OTULIN: variants seen among roughly 807,000 people sequenced by gnomAD.
The protein encoded by OTULIN is OTU deubiquitinase with linear linkage specificity, also known as ubiquitin thioesterase otulin.
Under a neutral mutation model 39.6 loss-of-function variants are expected in OTULIN, and 15 were observed. The ratio of observed to expected loss-of-function variants is 0.38; its 90% CI spans 0.25 to 0.58. OTULIN has a LOEUF of 0.58. OTULIN is among the 20% of genes least tolerant of loss of function. OTULIN has a pLI of 0.66. For synonymous variants in OTULIN, 156 were observed against 170.3 expected, an observed-to-expected ratio of 0.92 and a Z score of 0.65; for missense variants, 319 against 445.9, an observed-to-expected ratio of 0.72 and a Z score of 2.56.
chr5:14,674,402 C>G (rs1054686252), intron 2 of OTULIN, among the ~76,000 whole-genome samples: 2 of 152,248 alleles, frequency 1.3e-5, no homozygotes. Context: ...GTGGCATTTT[C>G]TCTTTCATTA....
At chr5:14,701,983 A>G (rs1235707154), downstream of OTULIN, among the ~76,000 whole-genome samples, 1 of 152,166 alleles carries the variant, frequency 6.6e-6, no homozygotes, top group Non-Finnish European at 1.5e-5. Flanking sequence ...TGTCATTTCC[A>G]TCATAGTCTA....
downstream of OTULIN, among the ~76,000 whole-genome samples, chr5:14,700,881 T>C (rs541008162): frequency 2.6e-4 from 39 of 152,280 alleles, no homozygotes; most frequent in African/African-American, 7.2e-4. Context: ...TCTGGGGTAA[T>C]AGACTTTATA....
chr5:14,714,571 C>T, the OTULIN span, among the ~76,000 whole-genome samples: 10 of 152,214 alleles, frequency 6.6e-5, no homozygotes, highest in South Asian at 4.2e-4. Context: ...AAGTCTTTGC[C>T]GTCTTCTTGG....
intron 4 of OTULIN, among the ~76,000 whole-genome samples, chr5:14,687,288 G>C (rs777221399): frequency 2.0e-5 from 3 of 152,164 alleles, no homozygotes. Context: ...TTGTGCTTTG[G>C]CTCAACCAAA....
the OTULIN span, chr5:14,711,042 G>A: frequency 1.4e-6 from 1 of 727,738 alleles, no homozygotes; most frequent in Admixed American, 1.9e-5. Context: ...TACCCAGTAT[G>A]CTAGAGAATT....
chr5:14,682,400 T>C (rs1736274184), intron 4 of OTULIN, among the ~76,000 whole-genome samples: 1 of 152,118 alleles, frequency 6.6e-6, no homozygotes, highest in African/African-American at 2.4e-5. Flanking sequence ...GCCATCAACA[T>C]CAAAGCAAGA....
chr5:14,668,633 G>T (rs1735908532), intron 1 of OTULIN, among the ~76,000 whole-genome samples: 1 of 152,078 alleles, frequency 6.6e-6, no homozygotes, highest in African/African-American at 2.4e-5. Context: ...GAACTGCAGG[G>T]TTCAAGTCCA....
intron 4 of OTULIN, among the ~76,000 whole-genome samples, chr5:14,683,868 T>TC (rs1027784756): frequency 3.9e-5 from 6 of 151,962 alleles, no homozygotes; most frequent in Non-Finnish European, 5.9e-5. Flanking sequence ...GTACAATGTC[T>TC]CCCCCCCTTT....
chr5:14,712,955 C>T, the OTULIN span: 2 of 1,613,288 alleles, frequency 1.2e-6, no homozygotes, highest in Non-Finnish European at 1.7e-6. Flanking sequence ...AGCCCACGCC[C>T]AGGGTCGCAC....
chr5:14,677,578 C>A (rs1736135974), intron 2 of OTULIN, among the ~76,000 whole-genome samples: 1 of 152,162 alleles, frequency 6.6e-6, no homozygotes, highest in South Asian at 2.1e-4. Flanking sequence ...AATCAAACCC[C>A]AAACCATATA....
chr5:14,676,857 A>G (rs745548348), intron 2 of OTULIN, among the ~76,000 whole-genome samples: 1 of 152,120 alleles, frequency 6.6e-6, no homozygotes, highest in Non-Finnish European at 1.5e-5. Context: ...GCTTCCATCC[A>G]CTAAGTAGAC....
chr5:14,697,425 C>T lies in OTULIN; in HGVS notation c.*4377C>T, dbSNP rs1561006590. ...CTCCTGGCCTCAGGTGATCCACCTG[C>T]TTTGGCCTCCCAAAGTGCTGAGATT... is the stretch of plus-strand genomic sequence containing the variant. On this transcript the variant is annotated 3_prime_UTR_variant, in exon 7 of 7. Coordinates refer to ENST00000284274, the MANE Select transcript of OTULIN (RefSeq NM_138348.6). 6.6e-6 allele frequency: 1 copy of T among 152,190 alleles called. No individual in the cohort carries two copies. Among genetic ancestry groups the T allele is most frequent in the East Asian group, 1.9e-4 (1 of 5,190 alleles). 9.4% of individuals were successfully genotyped at this position (152,190 alleles called of 1,614,324 possible). A position where few individuals can be genotyped will look rare whatever the true frequency, so the allele number is the denominator to read the frequency against.
At chr5:14,678,140 CA>C (rs1736152291) in intron 2 of OTULIN, among the ~76,000 whole-genome samples, 1 of 152,130 alleles carries the variant, frequency 6.6e-6, no homozygotes, top group Non-Finnish European at 1.5e-5. Context: ...GAATAGAGAG[CA>C]AAAGTGTACG....
At chr5:14,701,618 T>C (rs148263271), downstream of OTULIN, among the ~76,000 whole-genome samples, 70 of 152,312 alleles carry the variant, frequency 4.6e-4, no homozygotes, top group African/African-American at 1.5e-3. Flanking sequence ...TTTTCAAATA[T>C]CTACTCTTGG....
the OTULIN span, among the ~76,000 whole-genome samples, chr5:14,713,211 C>A: frequency 1.3e-5 from 2 of 152,158 alleles, no homozygotes; most frequent in African/African-American, 4.8e-5. The surrounding 1 kb of genome is among the most constrained non-coding windows in gnomAD (Gnocchi z 4.4). Flanking sequence ...TCCCACCCTC[C>A]CCAGGACGCT....
At chr5:14,711,243 G>A in the OTULIN span, 1 of 1,614,070 alleles carries the variant, frequency 6.2e-7, no homozygotes. Context: ...CACCTCCTCT[G>A]TCGGAGGCAT....
chr5:14,703,872 A>C (rs1476064933), downstream of OTULIN, among the ~76,000 whole-genome samples: 1 of 152,178 alleles, frequency 6.6e-6, no homozygotes, highest in Non-Finnish European at 1.5e-5. Context: ...GATTTTAACA[A>C]AAGGAGCAGT....
chr5:14,670,786 T>C (rs1238896417), intron 1 of OTULIN, among the ~76,000 whole-genome samples: 1 of 151,652 alleles, frequency 6.6e-6, no homozygotes, highest in Non-Finnish European at 1.5e-5. Context: ...TTTTTTTTTT[T>C]GTAGAGGCGG....
At chr5:14,713,113 G>A in the OTULIN span, 2 of 839,550 alleles carry the variant, frequency 2.4e-6, no homozygotes, top group Non-Finnish European at 3.9e-6. This position sits in a 1 kb window ranked among gnomAD's most constrained non-coding sequence, Gnocchi z 4.4. Context: ...CTTCGTAAGG[G>A]CCGCAGCTAA....
Sources: allele counts gnomAD v4.1 joint callset (sites outside exome capture counted in the v4.1 genomes callset), GRCh38; gene constraint gnomAD v4.1.1; non-coding constraint Gnocchi (gnomAD v3.1); transcripts MANE v1.5; gene names NCBI Gene and HGNC (gene_info 2026-07-23, HGNC 2026-07-21).